ANO4: variants seen among roughly 807,000 people sequenced by gnomAD.
ANO4 encodes the protein anoctamin-4.
ANO4 carries 69 observed loss-of-function variants against 141.9 expected under a neutral mutation model. That is an observed-to-expected ratio of 0.49 (90% CI 0.40 to 0.59). The LOEUF (loss-of-function observed/expected upper bound fraction) is 0.59, where lower values mean the gene tolerates loss of function less well. Ranked by LOEUF, ANO4 falls within the 20% of genes least tolerant of loss-of-function variation. The probability of loss-of-function intolerance (pLI) is 0.00; values close to 1 mark genes in which losing one functional copy is unlikely to be tolerated. For missense variants in ANO4, 894 were observed against 1,162.2 expected, an observed-to-expected ratio of 0.77 and a Z score of 3.36; for synonymous variants, 350 against 394.3, an observed-to-expected ratio of 0.89 and a Z score of 1.33.
At chr12:101,127,688 C>G (rs1297755735) in intron 27 of ANO4, among the ~76,000 whole-genome samples, 173 bp from the exon 28 acceptor site, 4 of 152,218 alleles carry the variant, frequency 2.6e-5, no homozygotes, top group African/African-American at 9.6e-5. Context: ...CCTTCTGACT[C>G]AGTCTGTTCA....
At chr12:101,059,736 T>A (rs1020008763) in intron 14 of ANO4, among the ~76,000 whole-genome samples, 2 of 152,224 alleles carry the variant, frequency 1.3e-5, no homozygotes, top group Non-Finnish European at 2.9e-5. Flanking sequence ...ATCCCCTTTA[T>A]CATTTTTTAT....
At chr12:100,750,297 A>G (rs2032314179) in intron 3 of ANO4, among the ~76,000 whole-genome samples, 1 of 142,270 alleles carries the variant, frequency 7.0e-6, no homozygotes, top group Non-Finnish European at 1.5e-5. Context: ...ACACCTGGCT[A>G]ATTTTTTTTT....
At chr12:100,987,790 A>T in intron 8 of ANO4, 120 bp downstream of exon 8, 1 of 1,390,254 alleles carries the variant, frequency 7.2e-7, no homozygotes, top group Non-Finnish European at 9.7e-7. Context: ...CTTCTCCCCT[A>T]AAAGTCTTGT....
At chr12:100,742,241 C>T (rs999113661) in intron 3 of ANO4, among the ~76,000 whole-genome samples, 2 of 152,028 alleles carry the variant, frequency 1.3e-5, no homozygotes, top group African/African-American at 4.8e-5. Flanking sequence ...TTTTGTAAGT[C>T]TCGACAATGA....
chr12:101,055,033 C>T (rs2048052535), intron 14 of ANO4, among the ~76,000 whole-genome samples: 1 of 152,174 alleles, frequency 6.6e-6, no homozygotes, highest in African/African-American at 2.4e-5. Context: ...ATTCCAGAGC[C>T]TGGCTATGTC....
chr12:100,781,423 C>T (rs1341660183), intron 3 of ANO4, among the ~76,000 whole-genome samples: 3 of 152,146 alleles, frequency 2.0e-5, no homozygotes, highest in Non-Finnish European at 4.4e-5. Context: ...GACCCCTCTT[C>T]CTTACATGCT....
chr12:101,024,448 T>G (rs901598248), intron 9 of ANO4, among the ~76,000 whole-genome samples: 2 of 152,028 alleles, frequency 1.3e-5, no homozygotes, highest in Non-Finnish European at 2.9e-5. Context: ...ATACAAAAAT[T>G]AGCTGAGCAT....
chr12:100,968,226 T>C (rs962244892), intron 5 of ANO4, among the ~76,000 whole-genome samples: 1 of 152,084 alleles, frequency 6.6e-6, no homozygotes, highest in Non-Finnish European at 1.5e-5. Flanking sequence ...ATTCAGTATG[T>C]GTTCAGATAA....
chr12:100,816,957 T>G (rs1217222830), intron 1 of ANO4, among the ~76,000 whole-genome samples: 1 of 147,914 alleles, frequency 6.8e-6, no homozygotes, highest in Non-Finnish European at 1.5e-5. Flanking sequence ...TTTTAAAAAA[T>G]AGAGATTAGA....
At chr12:100,776,217 G>A (rs1048578315) in intron 3 of ANO4, among the ~76,000 whole-genome samples, 1 of 152,152 alleles carries the variant, frequency 6.6e-6, no homozygotes, top group Non-Finnish European at 1.5e-5. Context: ...TCCAGGCCAG[G>A]CAGTCTGGCT....
intron 1 of ANO4, among the ~76,000 whole-genome samples, chr12:100,896,196 G>C (rs546915018): frequency 6.6e-6 from 1 of 152,298 alleles, no homozygotes; most frequent in South Asian, 2.1e-4. Context: ...TTTGAAAAGA[G>C]TCTTTGCATA....
At chr12:100,787,642 G>A (rs1486005101) in intron 3 of ANO4, among the ~76,000 whole-genome samples, 1 of 152,124 alleles carries the variant, frequency 6.6e-6, no homozygotes, top group African/African-American at 2.4e-5. Flanking sequence ...TAGCTAGACT[G>A]GGGCAATGAC....
intron 2 of ANO4, among the ~76,000 whole-genome samples, chr12:100,736,873 G>A (rs2031640560): frequency 6.6e-6 from 1 of 152,114 alleles, no homozygotes; most frequent in South Asian, 2.1e-4. Context: ...GAGAGGCATG[G>A]AACAGATTCT....
chr12:100,878,366 G>T (rs1565962502), intron 1 of ANO4, among the ~76,000 whole-genome samples: 1 of 152,172 alleles, frequency 6.6e-6, no homozygotes, highest in Non-Finnish European at 1.5e-5. Context: ...CACAGGGTGG[G>T]CACTTAATAG....
At chr12:100,919,577 G>C (rs822107) in intron 2 of ANO4, among the ~76,000 whole-genome samples, 103,346 of 151,824 alleles carry the variant, frequency 0.68, 35,497 homozygotes, top group African/African-American at 0.75. Flanking sequence ...TAAGTACACT[G>C]TATGATCTTT....
At chr12:100,807,436 G>A (rs1185630483) in intron 1 of ANO4, among the ~76,000 whole-genome samples, 2 of 151,988 alleles carry the variant, frequency 1.3e-5, no homozygotes, top group African/African-American at 4.8e-5. Context: ...TTACCCTTTT[G>A]TTCCAGGATT....
chr12:100,741,089 T>C (rs2031843900), intron 3 of ANO4, among the ~76,000 whole-genome samples: 1 of 152,232 alleles, frequency 6.6e-6, no homozygotes, highest in Non-Finnish European at 1.5e-5. Flanking sequence ...GCTGCAGAAA[T>C]GGCCATGCAA....
At chr12:100,942,951 C>G (rs956366411) in intron 5 of ANO4, among the ~76,000 whole-genome samples, 16 of 152,156 alleles carry the variant, frequency 1.1e-4, no homozygotes, top group Admixed American at 9.8e-4. Context: ...TCCTCGTACA[C>G]CAGAGGAGAC....
intron 8 of ANO4, among the ~76,000 whole-genome samples, chr12:101,018,594 A>T (rs923252795): frequency 6.6e-6 from 1 of 152,028 alleles, no homozygotes. Context: ...TCTTCCTCTC[A>T]TTATTTGAAC....
Sources: gnomAD v4.1 joint callset for allele counts (sites outside exome capture counted in the v4.1 genomes callset) on GRCh38, gnomAD v4.1.1 for gene constraint, MANE v1.5 for transcripts, NCBI Gene and HGNC (gene_info 2026-07-23, HGNC 2026-07-21) for gene names.